The following NKX6-3 variants were observed in gnomAD, a reference collection of about 807,000 sequenced individuals.
NKX6-3 encodes the protein NK6 homeobox 3.
NKX6-3 carries 17 observed loss-of-function variants against 22.0 expected under a neutral mutation model. The observed-to-expected ratio is 0.77, with a 90% CI of 0.53 to 1.16. The LOEUF (loss-of-function observed/expected upper bound fraction) is 1.16, where lower values mean the gene tolerates loss of function less well. Among genes scored for constraint, NKX6-3 ranks in the 50% most tolerant of loss-of-function variants. NKX6-3 has a pLI of 0.00. For missense variants in NKX6-3, 363 were observed against 359.0 expected (o/e 1.01, Z -0.09); for synonymous variants, 177 against 167.2 (o/e 1.06, Z -0.45).
Position 41,646,628 on chromosome 8 carries a change from G to A in NKX6-3, c.619C>T (p.Pro207Ser). 6.4e-6 allele frequency: 10 copies of A among 1,556,882 alleles called. No homozygotes were observed. Among genetic ancestry groups the A allele is most frequent in the Non-Finnish European group, 8.7e-6 (10 of 1,151,154 alleles). The change falls in exon 3 of 3, where the codon CCC becomes TCC. Residue 207 changes from proline to serine, a missense_variant. Pro to Ser is a moderately conservative substitution (Grantham distance 74). Around this residue, in one of 3 missense-constraint regions of NKX6-3, gnomAD observed 169 missense variants for 155.8 expected, o/e 1.08. Coordinates refer to ENST00000518699, the MANE Select transcript of NKX6-3 (RefSeq NM_001364841.2). ...GCACCCGCGCCGCCCGGGGCCCGGG[G>A]CGTGGAGGACGAGGGCTCCAGGGCG... ...KSALEPSSST[P>S]RAPGGAGAGA... is the part of the protein sequence containing the mutation.
chr8:41,650,716 C>T lies in NKX6-3; in HGVS notation c.-224G>A. On this transcript the variant is annotated 5_prime_UTR_variant, in exon 1 of 3. Transcript: ENST00000518699. ...CAGGTGGGAGGCCTCCCCAGGGCTC[C>T]TGGCCTCTCTCCTTGCCCTGGCCGG... 1 of 542,590 alleles carries T rather than the reference C, an allele frequency of 1.8e-6. No homozygotes were observed. The highest frequency in any genetic ancestry group is 2.1e-5 in the South Asian group (1 of 47,410). The allele number at this position is 542,590 out of a possible 1,614,324, so 33.6% of individuals were successfully genotyped here.
chr8:41,646,913 TCCTCCCCCTCTCCCTCCCCCTCCCCCTCC>T (rs1280490872), intron 2 of NKX6-3, among the ~76,000 whole-genome samples: 2 of 2,900 alleles, frequency 6.9e-4, no homozygotes, highest in Non-Finnish European at 1.2e-3. Flanking sequence ...CACCGCCGCC[TCCTCCCCCTCTCCCTCCCCCTCCCCCTCC>T]CCTCCCCCTC....
At chr8:41,646,763 C>A in intron 2 of NKX6-3, 69 bp from the exon 3 acceptor site, 1 of 1,502,254 alleles carries the variant, frequency 6.7e-7, no homozygotes, top group South Asian at 1.3e-5. Context: ...AGCCATCCTG[C>A]TTTTACAGCT....
In NKX6-3 at chr8:41,650,498, C is replaced by G; in HGVS notation, c.-6G>C. On this transcript the variant is annotated 5_prime_UTR_variant, in exon 1 of 3. Transcript: ENST00000518699. The stretch of plus-strand genomic sequence containing the variant: ...CCCTGCAGGTTGGACTCCATGATCT[C>G]CCAGTCAGGACAGGGAAGGCTTCTC... 2 of 1,535,098 alleles carry G rather than the reference C, an allele frequency of 1.3e-6. No homozygotes were observed. Among genetic ancestry groups the G allele is most frequent in the African/African-American group, 1.4e-5 (1 of 73,132 alleles).
At chr8:41,646,771 G>A in intron 2 of NKX6-3, 77 bp from the exon 3 acceptor site, 1 of 1,493,728 alleles carries the variant, frequency 6.7e-7, no homozygotes, top group East Asian at 2.5e-5. Context: ...TGCTTTTACA[G>A]CTAAACAAAT....
chr8:41,648,584 T>A (rs1301195400), intron 1 of NKX6-3, among the ~76,000 whole-genome samples: 1 of 152,214 alleles, frequency 6.6e-6, no homozygotes, highest in Non-Finnish European at 1.5e-5. Flanking sequence ...TCCCTTCAGG[T>A]CACCCTCCTC....
chr8:41,647,480 G>T, intron 2 of NKX6-3: 1 of 944,176 alleles, frequency 1.1e-6, no homozygotes. Flanking sequence ...CCTGCGTGTG[G>T]AGTGGGAGAG....
chr8:41,647,458 G>C (rs1457479362), intron 2 of NKX6-3: 8 of 1,248,218 alleles, frequency 6.4e-6, no homozygotes, highest in Non-Finnish European at 7.6e-6. Context: ...TATTTAGGGG[G>C]CATTTGGGGC....
At chr8:41,650,005 G>C in intron 1 of NKX6-3, 106 bp downstream of exon 1, 1 of 1,239,948 alleles carries the variant, frequency 8.1e-7, no homozygotes, top group Non-Finnish European at 1.1e-6. Context: ...TGGCGACTGG[G>C]GGAGAGGGCG....
rs1388090946 is a variant in NKX6-3 at position 41,650,656 on chromosome 8, A to T, written c.-164T>A. 3.0e-6 allele frequency: 2 copies of T among 675,136 alleles called. No individual in the cohort carries two copies. Among genetic ancestry groups the T allele is most frequent in the Middle Eastern group, 4.2e-4 (1 of 2,390 alleles). 41.8% of individuals were successfully genotyped at this position (675,136 alleles called of 1,614,324 possible). On this transcript the variant is annotated 5_prime_UTR_variant, in exon 1 of 3. Transcript: ENST00000518699. The stretch of plus-strand genomic sequence containing the variant: ...GCCAGGCCCTGGCCCAGGAACCGGC[A>T]CCCGATCAGCTGCTCGGAAGTCAGG...
rs1804299388 is a variant in NKX6-3, at chr8:41,650,576, C to G, written c.-84G>C. On this transcript the variant is annotated 5_prime_UTR_variant, in exon 1 of 3. Transcript: ENST00000518699. ...CTCTAGCCCCAAATCTCATGGCAGG[C>G]CTGGAGGCTTAGGACCGTCTCCGAG... 1.4e-6 allele frequency: 2 copies of G among 1,390,126 alleles called. No individual in the cohort carries two copies. Among genetic ancestry groups the G allele is most frequent in the Admixed American group, 4.5e-5 (2 of 44,858 alleles). The allele number at this position is 1,390,126 out of a possible 1,614,324, so 86.1% of individuals were successfully genotyped here. A position where few individuals can be genotyped will look rare whatever the true frequency, so the allele number is the denominator to read the frequency against.
rs777335408 is a variant in NKX6-3, at chr8:41,650,178, C to G, written c.315G>C (p.Pro105=). 2 of 1,535,458 alleles carry G rather than the reference C, an allele frequency of 1.3e-6. No homozygotes were observed. Among genetic ancestry groups the G allele is most frequent in the South Asian group, 2.4e-5 (2 of 83,994 alleles). The change falls in exon 1 of 3, where the codon CCG becomes CCC. Residue 105 remains proline (P), a synonymous_variant. Coordinates refer to ENST00000518699, the MANE Select transcript of NKX6-3 (RefSeq NM_001364841.2). ...GNFSKAGNEY[P]TRTRNCWADT... ...CCGCCCAGCAGTTCCGGGTCCGGGT[C>G]GGGTACTCGTTCCCAGCCTTGGAAA...
chr8:41,646,021 A>C lies in NKX6-3; in HGVS notation c.*428T>G. On this transcript the variant is annotated 3_prime_UTR_variant, in exon 3 of 3. Transcript: ENST00000518699. ...CCAGCCAGCTGCCTCCCTCCCTGGGAAGTCCTGCCCACTCCCCCCGCCCCA... is the reference window on the plus strand; with the variant it reads ...CCAGCCAGCTGCCTCCCTCCCTGGGCAGTCCTGCCCACTCCCCCCGCCCCA... The C allele has an allele frequency of 9.6e-6, 2 of 207,968 alleles. No individual in the cohort carries two copies. The highest frequency in any genetic ancestry group is 1.9e-5 in the Non-Finnish European group (2 of 105,056). 12.9% of individuals were successfully genotyped at this position (207,968 alleles called of 1,614,324 possible).
rs901725052 is a variant in NKX6-3 at position 41,649,961 on chromosome 8, T to C, written c.382+150A>G. The C allele has an allele frequency of 1.3e-5, 11 of 831,800 alleles. No homozygotes were observed. The Admixed American group carries it at 2.7e-4, about 20-fold the overall frequency. 51.5% of individuals were successfully genotyped at this position (831,800 alleles called of 1,614,324 possible). A position where few individuals can be genotyped will look rare whatever the true frequency, so the allele number is the denominator to read the frequency against. On this transcript the variant is annotated intron_variant, in intron 1 of 2. Coordinates refer to ENST00000518699, the MANE Select transcript of NKX6-3 (RefSeq NM_001364841.2). ...AAGGAGGAGAGGGTGGAACTCAGCC[T>C]GCACTGAGCTGAGGCTACGAGTCCA...
chr8:41,650,418 C>G lies in NKX6-3; in HGVS notation c.75G>C (p.Pro25=). The change falls in exon 1 of 3, where the codon CCG becomes CCC. Residue 25 remains proline (P), a synonymous_variant. Coordinates refer to ENST00000518699, the MANE Select transcript of NKX6-3 (RefSeq NM_001364841.2). Reference sequence around the variant, plus strand: ...AGTTCTGCACAGAGTACTGGCACACCGGGGCCTTCATCTCCGGAAACTGAG... The same window carrying G: ...AGTTCTGCACAGAGTACTGGCACACGGGGGCCTTCATCTCCGGAAACTGAG... The part of the protein sequence containing the change: ...PLAQFPEMKA[P]VCQYSVQNSF... 1 of 1,535,750 alleles carries G rather than the reference C, an allele frequency of 6.5e-7. No individual in the cohort carries two copies. The highest frequency in any genetic ancestry group is 8.7e-7 in the Non-Finnish European group (1 of 1,146,744).
chr8:41,648,312 A>G (rs1238418939), intron 1 of NKX6-3, 77 bp from the exon 2 acceptor site: 7 of 1,273,596 alleles, frequency 5.5e-6, no homozygotes, highest in African/African-American at 3.0e-5. Context: ...CAGGGCAACC[A>G]CCATGCCTGC....
At chr8:41,650,038 A>G in intron 1 of NKX6-3, 73 bp downstream of exon 1, 1 of 1,440,286 alleles carries the variant, frequency 6.9e-7, no homozygotes, top group Non-Finnish European at 9.2e-7. Flanking sequence ...GCCCGGGAGG[A>G]GGCCCCTCCT....
At position 41,650,149 on chromosome 8, in the gene NKX6-3, G is replaced by T. The variant is rs186962471; in HGVS notation, c.344C>A (p.Thr115Lys). The change falls in exon 1 of 3, where the codon ACG (threonine) becomes AAG (lysine). Residue 115 changes from threonine (T) to lysine (K), a missense_variant. Physicochemically the swap from Thr to Lys is moderately conservative, Grantham distance 78 (BLOSUM62 -1). Transcript: ENST00000518699. ...PTRTRNCWADTGQDWRGGRQC... is the reference protein window; with the variant it reads ...PTRTRNCWADKGQDWRGGRQC... ...CCGCCCGCCTCGCCAGTCTTGGCCC[G>T]TGTCCGCCCAGCAGTTCCGGGTCCG... The T allele has an allele frequency of 7.4e-5, 114 of 1,535,544 alleles. No homozygotes were observed. The African/African-American group carries it at 1.3e-3, about 18-fold the overall frequency.
intron 1 of NKX6-3, among the ~76,000 whole-genome samples, 171 bp from the exon 2 acceptor site, chr8:41,648,406 T>C (rs947943704): frequency 6.6e-6 from 1 of 152,158 alleles, no homozygotes; most frequent in Non-Finnish European, 1.5e-5. Context: ...ACAGTGACTG[T>C]GACCTCTGCC....
Sources: allele counts gnomAD v4.1 joint callset (sites outside exome capture counted in the v4.1 genomes callset), GRCh38; gene constraint gnomAD v4.1.1; regional missense constraint gnomAD v4.1.1; transcripts MANE v1.5; gene names NCBI Gene and HGNC (gene_info 2026-07-23, HGNC 2026-07-21).